The following VOPP1 variants were observed in gnomAD, a reference collection of about 807,000 sequenced individuals.
The protein encoded by VOPP1 is WW domain binding protein VOPP1.
A neutral mutation model predicts 23.5 loss-of-function variants in VOPP1; 8 were observed. The ratio of observed to expected loss-of-function variants is 0.34; its 90% CI spans 0.20 to 0.61. The LOEUF is 0.61. Ranked by LOEUF, VOPP1 falls within the 20% of genes least tolerant of loss-of-function variation. VOPP1 has a pLI of 0.78. For synonymous variants in VOPP1, 83 were observed against 97.3 expected, an observed-to-expected ratio of 0.85 and a Z score of 0.86; for missense variants, 174 against 238.1, an observed-to-expected ratio of 0.73 and a Z score of 1.77.
chr7:55,565,374 T>C (rs1798130103), intron 1 of VOPP1, among the ~76,000 whole-genome samples: 1 of 152,198 alleles, frequency 6.6e-6, no homozygotes, highest in Non-Finnish European at 1.5e-5. Context: ...ATTAAGGATA[T>C]CCTTACTCTC....
chr7:55,515,483 G>C (rs979572723), intron 2 of VOPP1, among the ~76,000 whole-genome samples: 2 of 152,222 alleles, frequency 1.3e-5, no homozygotes, highest in Non-Finnish European at 2.9e-5. Flanking sequence ...GTGTTAAAAT[G>C]TGCCAAAGGA....
At chr7:55,462,635 T>C (rs1791529332) in intron 4 of VOPP1, among the ~76,000 whole-genome samples, 1 of 151,324 alleles carries the variant, frequency 6.6e-6, no homozygotes, top group African/African-American at 2.4e-5. Flanking sequence ...GTCTAGTCTA[T>C]TGTTGAAACT....
intron 4 of VOPP1, among the ~76,000 whole-genome samples, chr7:55,447,544 G>A (rs995313754): frequency 4.6e-5 from 7 of 152,176 alleles, no homozygotes; most frequent in African/African-American, 1.7e-4. Context: ...TTCAAGAGGA[G>A]GGCTGTCTGA....
chr7:55,556,380 A>G (rs1340974553), intron 1 of VOPP1, among the ~76,000 whole-genome samples: 2 of 152,192 alleles, frequency 1.3e-5, no homozygotes, highest in Non-Finnish European at 2.9e-5. Flanking sequence ...GGATTCCATG[A>G]GCCAAAATTC....
At chr7:55,476,583 G>C (rs557101527) in intron 4 of VOPP1, among the ~76,000 whole-genome samples, 2 of 152,176 alleles carry the variant, frequency 1.3e-5, no homozygotes, top group Non-Finnish European at 2.9e-5. Context: ...CCAGGGGCCT[G>C]ACTCCTGACA....
intron 1 of VOPP1, among the ~76,000 whole-genome samples, chr7:55,557,909 T>A (rs1440843655): frequency 1.3e-5 from 2 of 152,170 alleles, no homozygotes; most frequent in African/African-American, 4.8e-5. Flanking sequence ...TTCCTCCAAG[T>A]CTGCACTACT....
chr7:55,473,909 GT>G (rs568423856), intron 4 of VOPP1, among the ~76,000 whole-genome samples: 2 of 151,936 alleles, frequency 1.3e-5, no homozygotes, highest in Admixed American at 6.6e-5. Flanking sequence ...ATTGTGTAGG[GT>G]TTTTTTTCTT....
chr7:55,522,201 G>C (rs766457984), intron 1 of VOPP1, among the ~76,000 whole-genome samples: 6 of 152,340 alleles, frequency 3.9e-5, no homozygotes, highest in Non-Finnish European at 7.3e-5. Context: ...TTGCCCTGCA[G>C]CTGGAATGGA....
chr7:55,555,652 G>A (rs1797777081), intron 1 of VOPP1, among the ~76,000 whole-genome samples: 1 of 152,124 alleles, frequency 6.6e-6, no homozygotes, highest in African/African-American at 2.4e-5. Flanking sequence ...CTCAGGCATG[G>A]GCTCCTCTTC....
chr7:55,571,222 G>A (rs1250050805), intron 1 of VOPP1, among the ~76,000 whole-genome samples: 1 of 152,202 alleles, frequency 6.6e-6, no homozygotes, highest in Non-Finnish European at 1.5e-5. Context: ...AGAGCCTGGA[G>A]CAAGGAGAAA....
chr7:55,533,973 T>C (rs765993706), intron 1 of VOPP1, among the ~76,000 whole-genome samples: 2 of 152,122 alleles, frequency 1.3e-5, no homozygotes, highest in African/African-American at 2.4e-5. Flanking sequence ...TGCCTCAGTG[T>C]TGTAAATAAG....
At chr7:55,453,555 G>A (rs1204956282) in intron 4 of VOPP1, among the ~76,000 whole-genome samples, 1 of 152,142 alleles carries the variant, frequency 6.6e-6, no homozygotes, top group Non-Finnish European at 1.5e-5. Flanking sequence ...AGAGATGAGG[G>A]AATGGAGGGT....
chr7:55,534,795 C>T (rs532066864), intron 1 of VOPP1, among the ~76,000 whole-genome samples: 130 of 152,358 alleles, frequency 8.5e-4, no homozygotes, highest in African/African-American at 3.0e-3. Context: ...GCTGCTCCCA[C>T]CCAGTGCTCT....
At chr7:55,492,739 C>G (rs887855640) in intron 3 of VOPP1, 1 of 219,166 alleles carries the variant, frequency 4.6e-6, no homozygotes, top group Admixed American at 5.8e-5. Flanking sequence ...TCCTCGTCCA[C>G]GGCTCTGACC....
Position 55,445,212 on chromosome 7 carries a change from CACAGACACACACACACAG to C in VOPP1, n.418-9056_418-9039del, listed in dbSNP as rs1378044959. 4.2e-4 allele frequency among the ~76,000 whole-genome samples: 60 copies of C among 143,922 alleles called. 1 individual carries two copies. The highest frequency in any genetic ancestry group is 1.4e-3 in the African/African-American group (50 of 34,984). The allele number at this position is 143,922 out of a possible 152,430, so 94.4% of individuals were successfully genotyped here. A position where few individuals can be genotyped will look rare whatever the true frequency, so the allele number is the denominator to read the frequency against. On this transcript the variant is annotated intron_variant and non_coding_transcript_variant, in intron 4 of 4. Coordinates refer to the VOPP1 transcript ENST00000462326. ...CTCTCTCACTTTCTCTACACACACA[CACAGACACACACACACAG>C]ACACACACACACAGACACACACACA...
chr7:55,555,824 G>A (rs1797782053), intron 1 of VOPP1, among the ~76,000 whole-genome samples: 2 of 152,148 alleles, frequency 1.3e-5, no homozygotes, highest in Non-Finnish European at 2.9e-5. Flanking sequence ...ACCTTTCGGG[G>A]ACTGCAGTAT....
At chr7:55,481,449 A>G (rs1301140186) in intron 4 of VOPP1, among the ~76,000 whole-genome samples, 2 of 152,170 alleles carry the variant, frequency 1.3e-5, no homozygotes, top group Non-Finnish European at 2.9e-5. Flanking sequence ...TCAGAGTCTG[A>G]ATAAAGGGTG....
intron 4 of VOPP1, among the ~76,000 whole-genome samples, chr7:55,440,472 C>A (rs556587660): frequency 1.3e-5 from 2 of 152,362 alleles, no homozygotes; most frequent in South Asian, 4.1e-4. Flanking sequence ...TTTGAGTCAG[C>A]CTCCTCACTG....
chr7:55,537,778 C>T, intron 1 of VOPP1: 1 of 1,285,912 alleles, frequency 7.8e-7, no homozygotes, highest in Non-Finnish European at 1.0e-6. Context: ...CCCAGGCCAC[C>T]AAGGAACATG....
Sources: allele counts gnomAD v4.1 joint callset (sites outside exome capture counted in the v4.1 genomes callset), GRCh38; gene constraint gnomAD v4.1.1; transcripts MANE v1.5; gene names NCBI Gene and HGNC (gene_info 2026-07-23, HGNC 2026-07-21).